The following ARL15 variants were observed in gnomAD, a reference collection of about 807,000 sequenced individuals.
The protein encoded by ARL15 is ADP-ribosylation factor-like protein 15.
ARL15 carries 19 observed loss-of-function variants against 25.2 expected under a neutral mutation model. The ratio of observed to expected loss-of-function variants is 0.75; its 90% CI spans 0.53 to 1.10. The LOEUF (loss-of-function observed/expected upper bound fraction) is 1.10. ARL15 is among the 50% of genes least tolerant of loss of function. ARL15 has a pLI of 0.00. For missense variants in ARL15, 220 were observed against 246.0 expected, an observed-to-expected ratio of 0.89 and a Z score of 0.71; for synonymous variants, 94 against 86.8, an observed-to-expected ratio of 1.08 and a Z score of -0.46.
chr5:54,215,628 G>A (rs544774207), intron 1 of ARL15, among the ~76,000 whole-genome samples: 2 of 143,272 alleles, frequency 1.4e-5, no homozygotes, highest in African/African-American at 4.9e-5. Flanking sequence ...AGGGGGGAGG[G>A]GGGGAAAAAG....
At chr5:54,250,560 A>G (rs909276574) in intron 1 of ARL15, among the ~76,000 whole-genome samples, 1 of 152,186 alleles carries the variant, frequency 6.6e-6, no homozygotes, top group African/African-American at 2.4e-5. Flanking sequence ...AGTTCTGAGG[A>G]GTAGAAATGA....
intron 1 of ARL15, among the ~76,000 whole-genome samples, chr5:54,232,969 A>G (rs554693832): frequency 8.3e-4 from 127 of 152,328 alleles, no homozygotes; most frequent in Non-Finnish European, 1.6e-3. Context: ...AACTAATGTC[A>G]TCATACTAAG....
intron 4 of ARL15, among the ~76,000 whole-genome samples, chr5:53,893,767 G>A (rs1361270182): frequency 6.6e-6 from 1 of 152,208 alleles, no homozygotes; most frequent in African/African-American, 2.4e-5. Context: ...ACCAAAGTCA[G>A]AGAAAGCCAT....
At chr5:54,058,515 A>G (rs1046909047) in intron 4 of ARL15, among the ~76,000 whole-genome samples, 28 of 152,238 alleles carry the variant, frequency 1.8e-4, no homozygotes, top group Admixed American at 1.8e-3. Flanking sequence ...ACAGCAACAA[A>G]CAAATGAATA....
chr5:54,079,772 C>A (rs1751729028), intron 4 of ARL15, among the ~76,000 whole-genome samples: 2 of 152,084 alleles, frequency 1.3e-5, no homozygotes, highest in Non-Finnish European at 2.9e-5. Flanking sequence ...GAGTTCCAGA[C>A]CAGCCTGGCC....
At chr5:54,302,390 C>A (rs1342875252) in intron 1 of ARL15, among the ~76,000 whole-genome samples, 1 of 152,138 alleles carries the variant, frequency 6.6e-6, no homozygotes, top group African/African-American at 2.4e-5. Flanking sequence ...TCTCAAGTTT[C>A]CTCTTTTCTA....
At position 53,896,597 on chromosome 5, in the gene ARL15, C is replaced by T. The variant is rs1461645102; in HGVS notation, c.463-9884G>A. ...CAAGCTCCACCTCCCGGGTTGTTCA[C>T]GCCATCCTCCTGCCTCAGCCTCCAG... On this transcript the variant is annotated intron_variant, in intron 4 of 4. Coordinates refer to ENST00000504924, the MANE Select transcript of ARL15 (RefSeq NM_019087.3). 2.0e-5 allele frequency among the ~76,000 whole-genome samples: 3 copies of T among 152,010 alleles called. No individual in the cohort carries two copies. In the East Asian group the frequency reaches 5.8e-4, roughly 29 times the overall value.
At chr5:54,082,886 A>G (rs908587595) in intron 4 of ARL15, among the ~76,000 whole-genome samples, 5 of 152,352 alleles carry the variant, frequency 3.3e-5, no homozygotes, top group South Asian at 4.1e-4. Flanking sequence ...AGAATTGGGC[A>G]TAGTAAAAGA....
Position 53,885,511 on chromosome 5 carries a change from T to C in ARL15, c.*1050A>G, listed in dbSNP as rs1470224580. ...AACCCCTGAAAATAGAGGTTTATAA[T>C]AGAAATACTGATAAACCTTTAACTA... On this transcript the variant is annotated 3_prime_UTR_variant, in exon 5 of 5. Transcript: ENST00000504924. 6.6e-6 allele frequency: 1 copy of C among 152,622 alleles called. No homozygotes were observed. Among genetic ancestry groups the C allele is most frequent in the Non-Finnish European group, 1.5e-5 (1 of 68,026 alleles). The allele number at this position is 152,622 out of a possible 1,614,324, so 9.5% of individuals were successfully genotyped here.
At chr5:54,077,311 G>A (rs939895591) in intron 4 of ARL15, among the ~76,000 whole-genome samples, 7 of 152,130 alleles carry the variant, frequency 4.6e-5, no homozygotes, top group East Asian at 1.9e-4. Flanking sequence ...GAGAAGCAAC[G>A]TAAAAAGTGT....
intron 4 of ARL15, among the ~76,000 whole-genome samples, chr5:53,973,328 C>A (rs1165013323): frequency 6.6e-6 from 1 of 151,902 alleles, no homozygotes; most frequent in Non-Finnish European, 1.5e-5. Flanking sequence ...AATCCCAGCA[C>A]TTTGGGAAGC....
At chr5:54,076,233 A>C (rs1203616349) in intron 4 of ARL15, among the ~76,000 whole-genome samples, 1 of 151,728 alleles carries the variant, frequency 6.6e-6, no homozygotes, top group East Asian at 1.9e-4. Context: ...TGGCTAATAC[A>C]GTGAAACCCC....
At chr5:54,215,065 C>T (rs748098250) in intron 1 of ARL15, among the ~76,000 whole-genome samples, 2 of 152,048 alleles carry the variant, frequency 1.3e-5, no homozygotes, top group Non-Finnish European at 2.9e-5. Flanking sequence ...CAGAGCAGAA[C>T]ATCCTTCTTA....
intron 4 of ARL15, among the ~76,000 whole-genome samples, chr5:54,080,835 G>A (rs994633115): frequency 4.6e-5 from 7 of 152,070 alleles, no homozygotes; most frequent in Admixed American, 2.6e-4. Context: ...GGACCTGAAC[G>A]TTTTCTAAAT....
At chr5:54,196,391 A>G (rs1755550549) in intron 1 of ARL15, among the ~76,000 whole-genome samples, 1 of 152,088 alleles carries the variant, frequency 6.6e-6, no homozygotes, top group African/African-American at 2.4e-5. Context: ...TTACTCAGCC[A>G]CATTTGCCAA....
At chr5:54,120,873 C>A (rs1753052137) in intron 3 of ARL15, among the ~76,000 whole-genome samples, 1 of 152,150 alleles carries the variant, frequency 6.6e-6, no homozygotes, top group South Asian at 2.1e-4. Context: ...GAAATAAGAT[C>A]TTTTAATAAT....
At chr5:53,902,592 G>T (rs1408547147) in intron 4 of ARL15, among the ~76,000 whole-genome samples, 3 of 152,108 alleles carry the variant, frequency 2.0e-5, no homozygotes, top group Non-Finnish European at 4.4e-5. Flanking sequence ...TTTAATATTG[G>T]CCTTGTGGTA....
Position 54,173,190 on chromosome 5 carries a change from AAAAAAAAAAG to A in ARL15, c.49-1272_49-1263del, listed in dbSNP as rs750816995. Reference sequence around the variant, plus strand: ...AAGAGCGAGACTCCATCTCAGAAAAAAAAAAAAAAGAAAAGAAAAGAAAGAAAGAAAGAAA... The same window carrying A: ...AAGAGCGAGACTCCATCTCAGAAAAAAAAAGAAAAGAAAGAAAGAAAGAAA... On this transcript the variant is annotated intron_variant, in intron 1 of 4. Coordinates refer to ENST00000504924, the MANE Select transcript of ARL15 (RefSeq NM_019087.3). 3.5e-3 allele frequency among the ~76,000 whole-genome samples: 527 copies of A among 151,990 alleles called. 1 individual carries two copies. The highest frequency in any genetic ancestry group is 6.1e-3 in the Non-Finnish European group (414 of 67,946).
intron 1 of ARL15, among the ~76,000 whole-genome samples, chr5:54,278,603 G>C (rs2112661967): frequency 6.6e-6 from 1 of 152,270 alleles, no homozygotes; most frequent in South Asian, 2.1e-4. Flanking sequence ...TTTAAAGATT[G>C]TTTTGTTTGT....
Sources: allele counts gnomAD v4.1 joint callset (sites outside exome capture counted in the v4.1 genomes callset), GRCh38; gene constraint gnomAD v4.1.1; transcripts MANE v1.5; gene names NCBI Gene and HGNC (gene_info 2026-07-23, HGNC 2026-07-21).